The following DPRX variants were observed in gnomAD, a reference collection of about 807,000 sequenced individuals.
DPRX encodes divergent-paired related homeobox, also known as divergent paired-related homeobox.
In DPRX, 11 loss-of-function variants were observed where a neutral mutation model predicts 8.4. The ratio of observed to expected loss-of-function variants is 1.31; its 90% CI spans 0.82 to 2.17. The LOEUF (loss-of-function observed/expected upper bound fraction) is 2.17. DPRX is among the 30% of genes most tolerant of loss of function. The probability of loss-of-function intolerance (pLI) is 0.00; values close to 1 mark genes in which losing one functional copy is unlikely to be tolerated. For synonymous variants in DPRX, 72 were observed against 87.0 expected, an observed-to-expected ratio of 0.83 and a Z score of 0.96; for missense variants, 211 against 236.7, an observed-to-expected ratio of 0.89 and a Z score of 0.71.
At chr19:53,616,819 C>T in the DPRX span, 30 of 1,598,882 alleles carry the variant, frequency 1.9e-5, no homozygotes, top group East Asian at 2.2e-5. Flanking sequence ...GACTTTGTAC[C>T]GTGTCCCGTT....
At chr19:53,602,270 GT>G in the DPRX span, 49 of 99,226 alleles carry the variant, frequency 4.9e-4, no homozygotes, top group African/African-American at 1.3e-3. Context: ...GGGTATGGGT[GT>G]GTGTGTGTGT....
upstream of DPRX, among the ~76,000 whole-genome samples, chr19:53,627,485 G>A (rs371124491): frequency 2.3e-4 from 33 of 145,384 alleles, no homozygotes; most frequent in African/African-American, 6.9e-4. Flanking sequence ...TGCCCAGGCT[G>A]GAGTGCAATG....
chr19:53,607,015 G>C, the DPRX span: 1 of 154,098 alleles, frequency 6.5e-6, no homozygotes, highest in African/African-American at 2.4e-5. Flanking sequence ...TCACGCCAAA[G>C]CCAAAAGGCA....
At chr19:53,632,869 G>C (rs1229301452) in intron 1 of DPRX, among the ~76,000 whole-genome samples, 2 of 152,148 alleles carry the variant, frequency 1.3e-5, no homozygotes, top group Non-Finnish European at 2.9e-5. Flanking sequence ...GAGCACAGGG[G>C]AATCTGATTC....
the DPRX span, among the ~76,000 whole-genome samples, chr19:53,601,764 G>A: frequency 1.2e-4 from 19 of 152,188 alleles, no homozygotes; most frequent in East Asian, 7.7e-4. Context: ...TTACAGGTGT[G>A]AGCCACCTCA....
upstream of DPRX, among the ~76,000 whole-genome samples, chr19:53,630,942 G>A (rs1260593537): frequency 4.0e-5 from 6 of 151,896 alleles, no homozygotes; most frequent in East Asian, 1.2e-3. Context: ...TGCCTCCTGG[G>A]TTCAAGCAAT....
the DPRX span, among the ~76,000 whole-genome samples, chr19:53,609,867 C>T: frequency 6.6e-6 from 1 of 152,034 alleles, no homozygotes; most frequent in Non-Finnish European, 1.5e-5. Context: ...CACCTATAGT[C>T]CCAGGTACTT....
the DPRX span, among the ~76,000 whole-genome samples, chr19:53,620,915 G>C: frequency 6.6e-6 from 1 of 151,890 alleles, no homozygotes; most frequent in Non-Finnish European, 1.5e-5. Context: ...TTTTCTATGG[G>C]ATAAATGACA....
upstream of DPRX, among the ~76,000 whole-genome samples, chr19:53,627,821 C>T (rs908164480): frequency 6.0e-5 from 9 of 150,866 alleles, no homozygotes; most frequent in South Asian, 2.1e-4. Flanking sequence ...GAGGCCGAGG[C>T]GGGGAGATCA....
chr19:53,602,270 GTGT>G, the DPRX span: 1,385 of 99,192 alleles, frequency 0.014, 17 homozygotes, highest in African/African-American at 0.064. Flanking sequence ...GGGTATGGGT[GTGT>G]GTGTGTGTGT....
At chr19:53,612,028 G>A in the DPRX span, among the ~76,000 whole-genome samples, 2 of 151,760 alleles carry the variant, frequency 1.3e-5, no homozygotes, top group Non-Finnish European at 2.9e-5. Flanking sequence ...AGGTTGCCGT[G>A]AGCCGAGATC....
chr19:53,610,745 G>A, the DPRX span, among the ~76,000 whole-genome samples: 45 of 152,218 alleles, frequency 3.0e-4, no homozygotes, highest in African/African-American at 1.0e-3. Context: ...TTGTGATTCT[G>A]GGTTTTTTTC....
chr19:53,612,251 C>T, the DPRX span, among the ~76,000 whole-genome samples: 2 of 152,068 alleles, frequency 1.3e-5, no homozygotes, highest in Admixed American at 1.3e-4. Flanking sequence ...GGCATGGTGG[C>T]ATACACCTGT....
At chr19:53,602,832 T>C in the DPRX span, among the ~76,000 whole-genome samples, 3 of 151,242 alleles carry the variant, frequency 2.0e-5, no homozygotes, top group South Asian at 6.3e-4. Flanking sequence ...TGAGCCACTG[T>C]GCCTGACCTA....
the DPRX span, among the ~76,000 whole-genome samples, chr19:53,623,570 A>G: frequency 6.6e-6 from 1 of 151,504 alleles, no homozygotes; most frequent in Non-Finnish European, 1.5e-5. Context: ...TCCGGGAGGC[A>G]GAGGTTGCAG....
At chr19:53,625,220 G>A in the DPRX span, among the ~76,000 whole-genome samples, 4,511 of 151,878 alleles carry the variant, frequency 0.03, 233 homozygotes, top group African/African-American at 0.1. Context: ...CTGGCTAATT[G>A]AAAAATTTTT....
chr19:53,609,598 G>C, the DPRX span, among the ~76,000 whole-genome samples: 1 of 151,738 alleles, frequency 6.6e-6, no homozygotes, highest in Admixed American at 6.6e-5. Context: ...GGCCACCGTG[G>C]CTCACTCCTG....
upstream of DPRX, among the ~76,000 whole-genome samples, chr19:53,627,397 G>C (rs114198911): frequency 5.3e-3 from 802 of 151,700 alleles, 9 homozygotes; most frequent in African/African-American, 0.018. Context: ...AGAACTCCTG[G>C]AGAAGGACTT....
At chr19:53,608,195 T>TAAATAAAAATAAATAAAAATTA in the DPRX span, 1 of 143,154 alleles carries the variant, frequency 7.0e-6, no homozygotes, top group Admixed American at 7.0e-5. Context: ...AATAAATAAA[T>TAAATAAAAATAAATAAAAATTA]AAATAAAAAT....
Sources: allele counts gnomAD v4.1 joint callset (sites outside exome capture counted in the v4.1 genomes callset), GRCh38; gene constraint gnomAD v4.1.1; transcripts MANE v1.5; gene names NCBI Gene and HGNC (gene_info 2026-07-23, HGNC 2026-07-21).